The following ARHGAP39 variants were observed in gnomAD, a reference collection of about 807,000 sequenced individuals.
The protein encoded by ARHGAP39 is Rho GTPase activating protein 39.
In ARHGAP39, 44 loss-of-function variants were observed where a neutral mutation model predicts 106.9. That is an observed-to-expected ratio of 0.41 (90% confidence interval 0.32 to 0.53). ARHGAP39 has a LOEUF of 0.53. ARHGAP39 is among the 20% of genes least tolerant of loss of function. ARHGAP39 has a pLI of 0.21. For synonymous variants in ARHGAP39, 768 were observed against 693.2 expected (o/e 1.11, Z -1.69); for missense variants, 1,496 against 1,577.3 (o/e 0.95, Z 0.87).
At chr8:144,540,576 G>A (rs1393703865) in intron 6 of ARHGAP39, among the ~76,000 whole-genome samples, 1 of 152,186 alleles carries the variant, frequency 6.6e-6, no homozygotes, top group Non-Finnish European at 1.5e-5. Flanking sequence ...TAAGGTGGGA[G>A]AATCACTTGA....
chr8:144,598,218 G>A (rs919342988), intron 2 of ARHGAP39, among the ~76,000 whole-genome samples: 1 of 152,096 alleles, frequency 6.6e-6, no homozygotes, highest in South Asian at 2.1e-4. Flanking sequence ...GCCTTTCCGC[G>A]TTGAGTGTAA....
chr8:144,656,807 CAAAAAAAAAA>C (rs35058065), intron 1 of ARHGAP39, among the ~76,000 whole-genome samples: 1 of 42,348 alleles, frequency 2.4e-5, no homozygotes, highest in African/African-American at 9.0e-5. Context: ...GACTCCATCT[CAAAAAAAAAA>C]AAAAAAAAAA....
In ARHGAP39 at chr8:144,646,165, G is replaced by T. The variant is rs1273703304; in HGVS notation, c.-82+39521C>A. ...CAAGCTTGGAGCCTGCTGGAGGAAGGGCACAGGCCACCGGAGGGGATGTGG... is the reference window on the plus strand; with the variant it reads ...CAAGCTTGGAGCCTGCTGGAGGAAGTGCACAGGCCACCGGAGGGGATGTGG... On this transcript the variant is annotated intron_variant, in intron 1 of 11. Coordinates refer to ENST00000377307, the MANE Select transcript of ARHGAP39 (RefSeq NM_025251.3). The surrounding 1 kb of genome is among the most constrained non-coding windows in gnomAD (Gnocchi z 5.7). Among the ~76,000 whole-genome samples the T allele has an allele frequency of 6.6e-6, 1 of 152,208 alleles. No individual in the cohort carries two copies. Among genetic ancestry groups the T allele is most frequent in the Admixed American group, 6.5e-5 (1 of 15,286 alleles).
chr8:144,602,394 TGC>T (rs1293179452), intron 2 of ARHGAP39, among the ~76,000 whole-genome samples: 2 of 141,856 alleles, frequency 1.4e-5, no homozygotes, highest in East Asian at 2.2e-4. Flanking sequence ...CCTGTGTGTG[TGC>T]GTGGAGGCGT....
chr8:144,658,659 T>C (rs1261006825), intron 1 of ARHGAP39, among the ~76,000 whole-genome samples: 5 of 152,146 alleles, frequency 3.3e-5, no homozygotes, highest in African/African-American at 1.2e-4. Context: ...CCATGGACAC[T>C]GAGGGATGAC....
chr8:144,603,301 C>G (rs372795708), intron 2 of ARHGAP39, among the ~76,000 whole-genome samples: 6 of 150,648 alleles, frequency 4.0e-5, no homozygotes, highest in African/African-American at 1.5e-4. Context: ...GCTCGTGTAT[C>G]TGTGTGTGTG....
chr8:144,537,446 C>T (rs192901348), intron 7 of ARHGAP39, among the ~76,000 whole-genome samples: 162 of 152,230 alleles, frequency 1.1e-3, no homozygotes, highest in African/African-American at 3.7e-3. Flanking sequence ...AGCCCTCAGC[C>T]GGCAAGTTAT....
At chr8:144,611,532 G>A (rs1284096259) in intron 1 of ARHGAP39, among the ~76,000 whole-genome samples, 1 of 152,060 alleles carries the variant, frequency 6.6e-6, no homozygotes, top group East Asian at 1.9e-4. Context: ...CTGTTATTAG[G>A]TGCATACACA....
intron 1 of ARHGAP39, among the ~76,000 whole-genome samples, chr8:144,637,439 G>C (rs1195840512): frequency 2.0e-5 from 3 of 151,988 alleles, no homozygotes; most frequent in Non-Finnish European, 4.4e-5. Context: ...GTGAAACCCG[G>C]TCTCTACTAA....
At chr8:144,554,952 C>T (rs1471189204) in intron 4 of ARHGAP39, among the ~76,000 whole-genome samples, 1 of 152,250 alleles carries the variant, frequency 6.6e-6, no homozygotes, top group Non-Finnish European at 1.5e-5. Flanking sequence ...ACACCCACCC[C>T]CCTACAGAAA....
In ARHGAP39 at chr8:144,530,716, T is replaced by C. The variant is rs1397396885; in HGVS notation, c.3136A>G (p.Ile1046Val). Reference sequence around the variant, plus strand: ...GAGGGAAGTACCTGCAGGAAGCGGATGAGGTAGCACAGCACCATGCGGTTG... The same window carrying C: ...GAGGGAAGTACCTGCAGGAAGCGGACGAGGTAGCACAGCACCATGCGGTTG... ...RINRMVLCYL[I>V]RFLQVFVQPA... Residue 1046 changes from isoleucine to valine, a missense_variant, in exon 11 of 12, where the codon ATC (isoleucine) becomes GTC (valine). Ile to Val is a conservative substitution (Grantham distance 29). Coordinates refer to ENST00000377307, the MANE Select transcript of ARHGAP39 (RefSeq NM_025251.3). 6.2e-7 allele frequency: 1 copy of C among 1,603,566 alleles called. No homozygotes were observed. Among genetic ancestry groups the C allele is most frequent in the African/African-American group, 1.3e-5 (1 of 74,856 alleles).
At chr8:144,617,385 A>G (rs964708066) in intron 1 of ARHGAP39, among the ~76,000 whole-genome samples, 9 of 140,902 alleles carry the variant, frequency 6.4e-5, no homozygotes, top group Non-Finnish European at 1.5e-4. Flanking sequence ...AGACCTGAGC[A>G]CCCAGCACCG....
intron 3 of ARHGAP39, among the ~76,000 whole-genome samples, chr8:144,577,509 C>G (rs1178262680): frequency 6.6e-6 from 1 of 152,132 alleles, no homozygotes; most frequent in Non-Finnish European, 1.5e-5. Flanking sequence ...CCATTCAACA[C>G]TGCACTGGAA....
At position 144,581,044 on chromosome 8, in the gene ARHGAP39, T is replaced by C. The variant is rs1420059665; in HGVS notation, c.314A>G (p.Lys105Arg). Residue 105 changes from lysine (K) to arginine (R), a missense_variant, in exon 3 of 12, where the codon AAG becomes AGG. Physicochemically the swap from Lys to Arg is conservative, Grantham distance 26. Coordinates refer to ENST00000377307, the MANE Select transcript of ARHGAP39 (RefSeq NM_025251.3). ...CGTGTTCTGCTTCAGCGTCTGCAGC[T>C]TGGCCAGCGGGATGATGTCGCAGCC... The part of the protein sequence containing the change: ...PQGCDIIPLA[K>R]LQTLKQNTES... The C allele has an allele frequency of 6.3e-7, 1 of 1,584,114 alleles. No individual in the cohort carries two copies.
At chr8:144,558,054 G>A (rs953939996) in intron 3 of ARHGAP39, among the ~76,000 whole-genome samples, 3 of 152,214 alleles carry the variant, frequency 2.0e-5, no homozygotes, top group African/African-American at 7.2e-5. Context: ...CTGTGTGGTG[G>A]TGACTGGCTG....
At chr8:144,587,216 G>A (rs1006359695) in intron 2 of ARHGAP39, among the ~76,000 whole-genome samples, 4 of 152,190 alleles carry the variant, frequency 2.6e-5, no homozygotes, top group Non-Finnish European at 4.4e-5. Flanking sequence ...GCCTTTAGTT[G>A]CAGCATGAGA....
intron 1 of ARHGAP39, among the ~76,000 whole-genome samples, chr8:144,674,192 G>A (rs565996467): frequency 2.6e-5 from 4 of 152,274 alleles, no homozygotes; most frequent in South Asian, 2.1e-4. Context: ...ATTTAGTCCC[G>A]CCATTCAGCA....
At chr8:144,649,944 A>C (rs1821534775) in intron 1 of ARHGAP39, among the ~76,000 whole-genome samples, 1 of 152,084 alleles carries the variant, frequency 6.6e-6, no homozygotes, top group Non-Finnish European at 1.5e-5. Context: ...GGAGTTCGAG[A>C]CCAGCCTGGC....
chr8:144,559,149 A>G (rs1402833371), intron 3 of ARHGAP39, among the ~76,000 whole-genome samples: 3 of 152,068 alleles, frequency 2.0e-5, no homozygotes, highest in Non-Finnish European at 4.4e-5. Flanking sequence ...CAGAGCTTAC[A>G]GTGAGCCAAG....
Sources: gnomAD v4.1 joint callset for allele counts (sites outside exome capture counted in the v4.1 genomes callset) on GRCh38, gnomAD v4.1.1 for gene constraint, Gnocchi (gnomAD v3.1) non-coding constraint, MANE v1.5 for transcripts, NCBI Gene and HGNC (gene_info 2026-07-23, HGNC 2026-07-21) for gene names.